ZMAT1: variants seen among roughly 807,000 people sequenced by gnomAD.
The protein encoded by ZMAT1 is zinc finger matrin-type 1.
ZMAT1 carries 11 observed loss-of-function variants against 18.5 expected under a neutral mutation model. That is an observed-to-expected ratio of 0.59 (90% CI 0.37 to 0.98). The LOEUF is 0.98. Among genes scored for constraint, ZMAT1 ranks in the 50% least tolerant of loss-of-function variants. The probability of loss-of-function intolerance (pLI) is 0.01; values close to 1 mark genes in which losing one functional copy is unlikely to be tolerated. For synonymous variants in ZMAT1, 211 were observed against 176.4 expected (o/e 1.20, Z -1.55); for missense variants, 525 against 496.2 (o/e 1.06, Z -0.55).
chrX:101,904,370 A>G (rs1569435608), intron 1 of ZMAT1, 40 bp from the exon 2 acceptor site: 1 of 972,147 alleles, frequency 1.0e-6, no homozygotes, highest in East Asian at 3.2e-5. Context: ...TCACATTAAT[A>G]AATATTTAGA....
intron 2 of ZMAT1, among the ~76,000 whole-genome samples, chrX:101,901,761 G>A (rs1015378348): frequency 1.8e-5 from 2 of 111,113 alleles, no homozygotes; most frequent in African/African-American, 6.5e-5. Context: ...TATAAAAAGT[G>A]GAATCATTTG....
chrX:101,890,529 C>CA (rs1351398899), intron 4 of ZMAT1, among the ~76,000 whole-genome samples: 1 of 111,315 alleles, frequency 9.0e-6, no homozygotes, highest in Non-Finnish European at 1.9e-5. Flanking sequence ...ATTGGTTTAA[C>CA]AAATACTGAA....
intron 1 of ZMAT1, among the ~76,000 whole-genome samples, chrX:101,921,025 GAAA>G (rs34927033): frequency 1.0e-5 from 1 of 98,754 alleles, no homozygotes; most frequent in African/African-American, 3.7e-5. Context: ...AGAGATTTTT[GAAA>G]AAAAAAAAGG....
chrX:101,906,019 CAT>C (rs757034154), intron 1 of ZMAT1, among the ~76,000 whole-genome samples: 6 of 111,091 alleles, frequency 5.4e-5, no homozygotes, highest in Non-Finnish European at 1.1e-4. Context: ...CCAAGCCCAG[CAT>C]AGAGTGGAGA....
At chrX:101,907,780 A>C (rs1928714386) in intron 1 of ZMAT1, among the ~76,000 whole-genome samples, 1 of 112,249 alleles carries the variant, frequency 8.9e-6, no homozygotes, top group Admixed American at 9.4e-5. Context: ...GAATGAAATG[A>C]AAAATGTAAT....
At chrX:101,919,212 T>C (rs750006679) in intron 1 of ZMAT1, among the ~76,000 whole-genome samples, 10 of 111,780 alleles carry the variant, frequency 8.9e-5, no homozygotes, top group South Asian at 3.7e-4. Flanking sequence ...TTTATTGTTA[T>C]GTATTGAGCT....
chrX:101,897,973 G>C lies in ZMAT1; in HGVS notation c.571C>G (p.Leu191Val), dbSNP rs1364772319. Reference sequence around the variant, plus strand: ...CCCACATAGTGAGACTGAGCAATAAGTGGAGAGCTAAACATCATGTTGCAG... The same window carrying C: ...CCCACATAGTGAGACTGAGCAATAACTGGAGAGCTAAACATCATGTTGCAG... ...DLCNMMFSSP[L>V]IAQSHYVGKV... is the part of the protein sequence containing the mutation. Residue 191 changes from leucine (L) to valine (V), a missense_variant, in exon 4 of 6, where the codon CTT becomes GTT. Coordinates refer to ENST00000651725, the MANE Select transcript of ZMAT1 (RefSeq NM_001394560.1). 3 of 1,209,936 alleles carry C rather than the reference G, an allele frequency of 2.5e-6. No homozygotes were observed. In the African/African-American group the frequency reaches 5.2e-5, roughly 21 times the overall value.
At position 101,883,998 on chromosome X, in the gene ZMAT1, G is replaced by C. The variant is rs761277183; in HGVS notation, c.1600C>G (p.Gln534Glu). 3 of 1,210,318 alleles carry C rather than the reference G, an allele frequency of 2.5e-6. No individual in the cohort carries two copies. The East Asian group carries it at 8.9e-5, about 36-fold the overall frequency. ...CAGTAGCTAATAGAATCTAGTCTCT[G>C]TTTGCTATCATGAGCTGGTAAGCAA... ...PHCLPAHDSK[Q>E]RLDSISYCQL... The change falls in exon 6 of 6, where the codon CAG becomes GAG. Residue 534 changes from glutamine to glutamate, a missense_variant. Physicochemically the swap from Gln to Glu is conservative, Grantham distance 29 (BLOSUM62 2). Transcript: ENST00000651725.
intron 4 of ZMAT1, among the ~76,000 whole-genome samples, chrX:101,896,797 C>T (rs1927839922): frequency 9.0e-6 from 1 of 111,514 alleles, no homozygotes; most frequent in South Asian, 3.8e-4. Flanking sequence ...GTATACTCTG[C>T]CATCTTGGGC....
chrX:101,909,230 AAC>A (rs1430114558), intron 1 of ZMAT1, among the ~76,000 whole-genome samples: 1 of 110,243 alleles, frequency 9.1e-6, no homozygotes, highest in East Asian at 2.9e-4. Flanking sequence ...ATCATCTGCT[AAC>A]TGAAGAGCCC....
chrX:101,911,204 AAGG>A (rs765654302), intron 1 of ZMAT1, among the ~76,000 whole-genome samples: 1 of 112,000 alleles, frequency 8.9e-6, no homozygotes, highest in South Asian at 3.8e-4. Flanking sequence ...CTTAAACATG[AAGG>A]AGAAGTACTT....
chrX:101,892,754 G>C, intron 4 of ZMAT1: 2 of 748,560 alleles, frequency 2.7e-6, no homozygotes, highest in Non-Finnish European at 3.2e-6. Context: ...TAAGATCTGA[G>C]CTGGATGAGG....
intron 1 of ZMAT1, among the ~76,000 whole-genome samples, chrX:101,915,039 C>T (rs892034485): frequency 3.6e-5 from 4 of 110,775 alleles, no homozygotes; most frequent in Non-Finnish European, 7.6e-5. Flanking sequence ...TCAACATATA[C>T]AAATTAATCA....
chrX:101,918,935 T>C (rs1929540059), intron 1 of ZMAT1, among the ~76,000 whole-genome samples: 1 of 110,664 alleles, frequency 9.0e-6, no homozygotes, highest in Non-Finnish European at 1.9e-5. Flanking sequence ...CCTATGAAAA[T>C]ACTAGTGCTC....
At chrX:101,912,595 T>C (rs978835690) in intron 1 of ZMAT1, among the ~76,000 whole-genome samples, 1 of 111,874 alleles carries the variant, frequency 8.9e-6, no homozygotes, top group African/African-American at 3.3e-5. Context: ...AATGACAATA[T>C]GGCAGAGTGT....
In ZMAT1 at chrX:101,884,404, T is replaced by C. The variant is rs1926752171; in HGVS notation, c.1194A>G (p.Glu398=). 4 of 1,208,901 alleles carry C rather than the reference T, an allele frequency of 3.3e-6. No individual in the cohort carries two copies. Among genetic ancestry groups the C allele is most frequent in the Non-Finnish European group, 4.5e-6 (4 of 894,830 alleles). ...TTGATCTGGGTCCAGAATCAACCAT[T>C]TCTCTGTACCCATGAGTATCCACAG... ...ENSVDTHGYR[E]MVDSGPRSRM... The change falls in exon 6 of 6, where the codon GAA becomes GAG. Residue 398 remains glutamate (E), a synonymous_variant. Transcript: ENST00000651725.
intron 2 of ZMAT1, 85 bp downstream of exon 2, chrX:101,904,139 G>A: frequency 3.2e-6 from 2 of 634,585 alleles, no homozygotes; most frequent in Non-Finnish European, 4.7e-6. Context: ...ATTCTCATAA[G>A]AATCAAGTAA....
chrX:101,908,510 T>G (rs1928751644), intron 1 of ZMAT1, among the ~76,000 whole-genome samples: 1 of 110,231 alleles, frequency 9.1e-6, no homozygotes, highest in Non-Finnish European at 1.9e-5. Flanking sequence ...ACTTAAGAGA[T>G]AGAAAAAAAA....
chrX:101,890,896 T>G (rs930604028), intron 4 of ZMAT1, among the ~76,000 whole-genome samples: 1 of 110,997 alleles, frequency 9.0e-6, no homozygotes, highest in African/African-American at 3.3e-5. Context: ...TGTTGTAGAG[T>G]AAAACATAAG....
Sources: gnomAD v4.1 joint callset for allele counts (sites outside exome capture counted in the v4.1 genomes callset) on GRCh38, gnomAD v4.1.1 for gene constraint, MANE v1.5 for transcripts, NCBI Gene and HGNC (gene_info 2026-07-23, HGNC 2026-07-21) for gene names.